The following ARPP21 variants were observed in gnomAD, a reference collection of about 807,000 sequenced individuals.
The protein encoded by ARPP21 is cAMP regulated phosphoprotein 21, also known as cAMP-regulated phosphoprotein 21.
A neutral mutation model predicts 113.2 loss-of-function variants in ARPP21; 69 were observed. That is an observed-to-expected ratio of 0.61 (90% CI 0.50 to 0.74). ARPP21 has a LOEUF of 0.74. Among genes scored for constraint, ARPP21 ranks in the 30% least tolerant of loss-of-function variants. ARPP21 has a pLI of 0.00. For missense variants in ARPP21, 1,070 were observed against 1,037.4 expected, an observed-to-expected ratio of 1.03 and a Z score of -0.43; for synonymous variants, 368 against 375.5, an observed-to-expected ratio of 0.98 and a Z score of 0.23.
At chr3:35,773,735 C>G (rs2096273089) in intron 19 of ARPP21, among the ~76,000 whole-genome samples, 1 of 152,128 alleles carries the variant, frequency 6.6e-6, no homozygotes, top group African/African-American at 2.4e-5. Flanking sequence ...GGGCCCTCAC[C>G]TGCTGAAATG....
intron 9 of ARPP21, among the ~76,000 whole-genome samples, chr3:35,702,452 G>A (rs1430835880): frequency 1.3e-5 from 2 of 151,700 alleles, no homozygotes; most frequent in Non-Finnish European, 2.9e-5. Flanking sequence ...CCAAATCCAC[G>A]TAGCCAAATT....
chr3:35,776,555 T>TAAA (rs1553745509), intron 19 of ARPP21, among the ~76,000 whole-genome samples: 14 of 152,162 alleles, frequency 9.2e-5, no homozygotes, highest in Non-Finnish European at 1.9e-4. Context: ...AGCACCCTTT[T>TAAA]GCCCTAGGAT....
At chr3:35,702,688 C>T (rs368038409) in intron 9 of ARPP21, among the ~76,000 whole-genome samples, 1 of 151,516 alleles carries the variant, frequency 6.6e-6, no homozygotes, top group African/African-American at 2.4e-5. Flanking sequence ...TTGAGAGATG[C>T]TAATAAAGAA....
At chr3:35,707,341 G>C (rs1333919949) in intron 10 of ARPP21, 1 of 619,058 alleles carries the variant, frequency 1.6e-6, no homozygotes, top group Non-Finnish European at 3.0e-6. Context: ...AGTTTCCGCT[G>C]CATGTCTGGG....
chr3:35,646,835 G>A lies in ARPP21; in HGVS notation c.-213+6437G>A, dbSNP rs557791690. On this transcript the variant is annotated intron_variant, in intron 1 of 20. Transcript: ENST00000684406. ...ATATGCTGATGTTGTAAGAAATTTTGGAAATTGTCAAACAACTGGCATTGT... is the reference window on the plus strand; with the variant it reads ...ATATGCTGATGTTGTAAGAAATTTTAGAAATTGTCAAACAACTGGCATTGT... 2.8e-4 allele frequency among the ~76,000 whole-genome samples: 42 copies of A among 152,130 alleles called. No individual in the cohort carries two copies. In the Middle Eastern group the frequency reaches 0.01, roughly 37 times the overall value.
At chr3:35,731,553 T>G (rs1295345689) in intron 15 of ARPP21, among the ~76,000 whole-genome samples, 1 of 152,224 alleles carries the variant, frequency 6.6e-6, no homozygotes, top group East Asian at 1.9e-4. Context: ...TTCTAGAATA[T>G]ATTTATTTTG....
intron 19 of ARPP21, among the ~76,000 whole-genome samples, chr3:35,767,882 C>T (rs988363468): frequency 2.4e-4 from 36 of 152,010 alleles, no homozygotes; most frequent in African/African-American, 8.7e-4. Flanking sequence ...CCCACCAGTC[C>T]TTAAACATTA....
At chr3:35,646,395 G>A (rs1412478431) in intron 1 of ARPP21, among the ~76,000 whole-genome samples, 2 of 152,180 alleles carry the variant, frequency 1.3e-5, no homozygotes, top group East Asian at 3.9e-4. Context: ...GGAAATCCCA[G>A]CGTTGCTAGC....
At chr3:35,745,822 A>G (rs2095003731) in intron 19 of ARPP21, among the ~76,000 whole-genome samples, 1 of 152,192 alleles carries the variant, frequency 6.6e-6, no homozygotes, top group Non-Finnish European at 1.5e-5. Flanking sequence ...CCATTCAGTT[A>G]GAGACCTCAC....
In ARPP21 at chr3:35,743,860, T is replaced by C. The variant is rs1216146808; in HGVS notation, c.2032T>C (p.Ser678Pro). ...PAQMPVYYYPSGQYPTSTTQQ... is the reference protein window; with the variant it reads ...PAQMPVYYYPPGQYPTSTTQQ... ...ACAGATGCCTGTATATTATTACCCATCTGGTCAGTACCCTACCTCAACCAC... is the reference window on the plus strand; with the variant it reads ...ACAGATGCCTGTATATTATTACCCACCTGGTCAGTACCCTACCTCAACCAC... Residue 678 changes from serine to proline, a missense_variant, in exon 19 of 21, where the codon TCT becomes CCT. By Grantham distance (74) the Ser-to-Pro change is moderately conservative. Coordinates refer to ENST00000684406, the MANE Select transcript of ARPP21 (RefSeq NM_001385562.1). 3 of 1,613,916 alleles carry C rather than the reference T, an allele frequency of 1.9e-6. No individual in the cohort carries two copies. In the African/African-American group the frequency reaches 4.0e-5, roughly 22 times the overall value.
chr3:35,712,012 G>T (rs1231545254), intron 11 of ARPP21, among the ~76,000 whole-genome samples: 1 of 152,118 alleles, frequency 6.6e-6, no homozygotes. Flanking sequence ...GATCATTGGG[G>T]GTGACCCTGT....
chr3:35,641,710 A>T (rs1013345204), intron 1 of ARPP21: 4 of 152,186 alleles, frequency 2.6e-5, no homozygotes, highest in Non-Finnish European at 4.4e-5. Flanking sequence ...CAAGGTATGT[A>T]TTTGTGTTTG....
At chr3:35,787,387 A>AATAAATATAG (rs1277674763) in intron 19 of ARPP21, among the ~76,000 whole-genome samples, 1 of 152,222 alleles carries the variant, frequency 6.6e-6, no homozygotes, top group Non-Finnish European at 1.5e-5. Flanking sequence ...AACAAACCAG[A>AATAAATATAG]ATAAATATAG....
intron 19 of ARPP21, among the ~76,000 whole-genome samples, chr3:35,780,900 A>G (rs1287599969): frequency 6.6e-6 from 1 of 152,012 alleles, no homozygotes; most frequent in Non-Finnish European, 1.5e-5. Flanking sequence ...CAGAGGCGAG[A>G]TGGTGAGGCT....
At chr3:35,679,441 G>A (rs1292724441) in intron 1 of ARPP21, among the ~76,000 whole-genome samples, 1 of 150,944 alleles carries the variant, frequency 6.6e-6, no homozygotes, top group East Asian at 2.0e-4. Flanking sequence ...TTTGCTCATA[G>A]GTGATCCTGA....
In ARPP21 at chr3:35,652,073, A is replaced by G. The variant is rs541785949; in HGVS notation, c.-213+11675A>G. 4 of 152,184 alleles carry G rather than the reference A, an allele frequency of 2.6e-5. No individual in the cohort carries two copies. The South Asian group carries it at 6.2e-4, about 24-fold the overall frequency. 9.4% of individuals were successfully genotyped at this position (152,184 alleles called of 1,614,324 possible). ...ATGGGCAGTAGAGACTTTGAAAAAG[A>G]GATGTGGGTATTCATAGGTGATTCA... is the stretch of plus-strand genomic sequence containing the variant. On this transcript the variant is annotated intron_variant, in intron 1 of 20. Coordinates refer to ENST00000684406, the MANE Select transcript of ARPP21 (RefSeq NM_001385562.1).
chr3:35,644,816 T>A (rs542658371), intron 1 of ARPP21, among the ~76,000 whole-genome samples: 1 of 151,962 alleles, frequency 6.6e-6, no homozygotes, highest in South Asian at 2.1e-4. Context: ...TGTTAATCAC[T>A]GTCCATGGTC....
intron 19 of ARPP21, among the ~76,000 whole-genome samples, chr3:35,779,823 C>A (rs1240924273): frequency 3.3e-5 from 5 of 152,156 alleles, no homozygotes; most frequent in South Asian, 2.1e-4. Flanking sequence ...GTTTCAGATG[C>A]CTTTTTCCCT....
chr3:35,653,970 T>C (rs1703627792), intron 1 of ARPP21, among the ~76,000 whole-genome samples: 1 of 151,888 alleles, frequency 6.6e-6, no homozygotes, highest in South Asian at 2.1e-4. Context: ...TTATAAAGTG[T>C]CAACAAGATA....
Sources: gnomAD v4.1 joint callset for allele counts (sites outside exome capture counted in the v4.1 genomes callset) on GRCh38, gnomAD v4.1.1 for gene constraint, MANE v1.5 for transcripts, NCBI Gene and HGNC (gene_info 2026-07-23, HGNC 2026-07-21) for gene names.